Variants in TMEM176B observed in about 807,000 individuals in gnomAD.
TMEM176B encodes transmembrane protein 176B.
TMEM176B carries 28 observed loss-of-function variants against 30.3 expected under a neutral mutation model. The observed-to-expected ratio is 0.92, with a 90% CI of 0.68 to 1.27. The LOEUF is 1.27. Among genes scored for constraint, TMEM176B ranks in the 50% most tolerant of loss-of-function variants. TMEM176B has a pLI of 0.00. For synonymous variants in TMEM176B, 123 were observed against 130.3 expected (o/e 0.94, Z 0.38); for missense variants, 349 against 327.4 (o/e 1.07, Z -0.51).
At position 150,791,752 on chromosome 7, in the gene TMEM176B, C is replaced by CAA. The variant is rs35720994; in HGVS notation, c.721-131_721-130dup. On this transcript the variant is annotated intron_variant, in intron 6 of 6. Coordinates refer to ENST00000326442, the MANE Select transcript of TMEM176B (RefSeq NM_001101312.2). ...AAGGTGACAGGAAAAGCAGATCAGG[C>CAA]AAAAAAAAAACAAGGTGGCAGAGGA... 9.1e-3 allele frequency: 6,727 copies of CAA among 736,334 alleles called. 5 individuals carry two copies. Among genetic ancestry groups the CAA allele is most frequent in the East Asian group, 0.019 (582 of 31,238 alleles). 45.6% of individuals were successfully genotyped at this position (736,334 alleles called of 1,614,324 possible). A position where few individuals can be genotyped will look rare whatever the true frequency, so the allele number is the denominator to read the frequency against.
intron 1 of TMEM176B, 44 bp from the exon 2 acceptor site, chr7:150,796,618 C>T (rs377125108): frequency 2.3e-5 from 36 of 1,591,878 alleles, no homozygotes; most frequent in East Asian, 8.9e-5. Flanking sequence ...GGGAACTAGG[C>T]GAGGGAAAAA....
At chr7:150,793,508 A>T (rs1209965586) in intron 4 of TMEM176B, 36 bp downstream of exon 4, 3 of 1,609,560 alleles carry the variant, frequency 1.9e-6, no homozygotes, top group Non-Finnish European at 2.5e-6. Flanking sequence ...GGAGGGGGTC[A>T]GTGAACAAGG....
intron 5 of TMEM176B, among the ~76,000 whole-genome samples, chr7:150,792,882 C>T (rs1489073425): frequency 6.6e-6 from 1 of 152,228 alleles, no homozygotes; most frequent in African/African-American, 2.4e-5. Flanking sequence ...AATGTCTCCT[C>T]TTTGTTCCTC....
chr7:150,793,041 A>C (rs1397246212), intron 5 of TMEM176B, 47 bp downstream of exon 5: 4 of 1,595,956 alleles, frequency 2.5e-6, no homozygotes, highest in Non-Finnish European at 3.4e-6. Flanking sequence ...CTCCCTGGGA[A>C]AAAAGAGCTG....
Position 150,794,801 on chromosome 7 carries a change from C to A in TMEM176B, c.205-730G>T, listed in dbSNP as rs78848552. On this transcript the variant is annotated intron_variant, in intron 2 of 6. Coordinates refer to ENST00000326442, the MANE Select transcript of TMEM176B (RefSeq NM_001101312.2). ...TACCCCAATAAGCCGTTCACACACC[C>A]AACTCCGACTCAGAAGAGAACTCCT... 9.5e-4 allele frequency among the ~76,000 whole-genome samples: 144 copies of A among 152,122 alleles called. No individual in the cohort carries two copies. In the East Asian group the frequency reaches 0.019, roughly 20 times the overall value.
At chr7:150,797,697 T>G (rs868034395) in intron 1 of TMEM176B, among the ~76,000 whole-genome samples, 2 of 152,212 alleles carry the variant, frequency 1.3e-5, no homozygotes, top group African/African-American at 4.8e-5. Context: ...TTGTGGGCCT[T>G]CCATTTTCAG....
chr7:150,796,276 C>T (rs1388268671), intron 2 of TMEM176B, 90 bp downstream of exon 2: 1 of 1,303,242 alleles, frequency 7.7e-7, no homozygotes, highest in Non-Finnish European at 1.1e-6. Context: ...CCAAATAAAA[C>T]GTTTTAATTT....
intron 5 of TMEM176B, among the ~76,000 whole-genome samples, chr7:150,792,426 C>A (rs1367280604): frequency 6.6e-6 from 1 of 152,188 alleles, no homozygotes; most frequent in Non-Finnish European, 1.5e-5. Flanking sequence ...GCTTTGGCCA[C>A]AGTGAAAGTG....
intron 3 of TMEM176B, 76 bp from the exon 4 acceptor site, chr7:150,793,676 T>A: frequency 6.6e-7 from 1 of 1,504,670 alleles, no homozygotes; most frequent in East Asian, 2.3e-5. Flanking sequence ...CACCAGCAGT[T>A]CCCAGAATAG....
intron 1 of TMEM176B, among the ~76,000 whole-genome samples, chr7:150,798,434 C>T (rs1798611806): frequency 6.6e-6 from 1 of 152,118 alleles, no homozygotes; most frequent in Admixed American, 6.5e-5. Flanking sequence ...CGCCATCAAG[C>T]CCAGCTAATT....
intron 1 of TMEM176B, among the ~76,000 whole-genome samples, chr7:150,799,755 T>A (rs1367018214): frequency 2.0e-5 from 3 of 152,176 alleles, no homozygotes; most frequent in Non-Finnish European, 4.4e-5. Flanking sequence ...CACCTCGGGT[T>A]CCAGCTACCT....
upstream of TMEM176B, chr7:150,800,860 G>C (rs991518101): frequency 1.0e-6 from 1 of 966,602 alleles, no homozygotes; most frequent in African/African-American, 1.8e-5. Flanking sequence ...GGCGGCCCCC[G>C]GGCCTCCTTC....
At chr7:150,795,095 G>A (rs1022923013) in intron 2 of TMEM176B, among the ~76,000 whole-genome samples, 1 of 152,046 alleles carries the variant, frequency 6.6e-6, no homozygotes, top group African/African-American at 2.4e-5. Flanking sequence ...TGAAGGACAG[G>A]GACTCCTTTG....
At chr7:150,793,032 T>C in intron 5 of TMEM176B, 56 bp downstream of exon 5, 2 of 1,570,158 alleles carry the variant, frequency 1.3e-6, no homozygotes, top group Non-Finnish European at 1.8e-6. Context: ...GGCCCCCAGC[T>C]CCCTGGGAAA....
chr7:150,793,628 C>A, intron 3 of TMEM176B, 28 bp from the exon 4 acceptor site: 1 of 1,609,900 alleles, frequency 6.2e-7, no homozygotes, highest in Admixed American at 1.7e-5. Context: ...AAAAAGGCCT[C>A]CAGTTTACTC....
intron 1 of TMEM176B, among the ~76,000 whole-genome samples, chr7:150,799,365 G>A (rs1798667578): frequency 6.6e-6 from 1 of 152,208 alleles, no homozygotes; most frequent in Non-Finnish European, 1.5e-5. Context: ...AATGCTAATT[G>A]GGCTGTTTCA....
intron 5 of TMEM176B, 68 bp from the exon 6 acceptor site, chr7:150,792,243 T>C: frequency 2.5e-6 from 4 of 1,586,780 alleles, no homozygotes; most frequent in Non-Finnish European, 3.4e-6. Context: ...ATCACCACCC[T>C]CTCCACCCAC....
intron 2 of TMEM176B, among the ~76,000 whole-genome samples, chr7:150,796,002 C>A (rs1178008796): frequency 6.6e-6 from 1 of 152,160 alleles, no homozygotes; most frequent in African/African-American, 2.4e-5. Context: ...TAATTCTCTA[C>A]AAATCAGGCT....
At position 150,791,566 on chromosome 7, in the gene TMEM176B, A is replaced by G. The variant is rs1798306487; in HGVS notation, c.778T>C (p.Ser260Pro). 1 of 1,613,864 alleles carries G rather than the reference A, an allele frequency of 6.2e-7. No homozygotes were observed. Among genetic ancestry groups the G allele is most frequent in the East Asian group, 2.2e-5 (1 of 44,874 alleles). ...LGENSVPPSP[S>P]REQTSTAIVL Reference sequence around the variant, plus strand: ...ATGGCAGTGGAGGTCTGCTCCCTAGAGGGCGAAGGGGGCACTGAATTCTCC... The same window carrying G: ...ATGGCAGTGGAGGTCTGCTCCCTAGGGGGCGAAGGGGGCACTGAATTCTCC... The change falls in exon 7 of 7, where the codon TCT becomes CCT. Residue 260 changes from serine (S) to proline (P), a missense_variant. Coordinates refer to ENST00000326442, the MANE Select transcript of TMEM176B (RefSeq NM_001101312.2).
Sources: allele counts gnomAD v4.1 joint callset (sites outside exome capture counted in the v4.1 genomes callset), GRCh38; gene constraint gnomAD v4.1.1; transcripts MANE v1.5; gene names NCBI Gene and HGNC (gene_info 2026-07-23, HGNC 2026-07-21).